Variants in COG6 observed in about 807,000 individuals in gnomAD.
COG6 encodes the protein component of oligomeric golgi complex 6.
COG6 carries 74 observed loss-of-function variants against 88.8 expected under a neutral mutation model. The observed-to-expected ratio is 0.83, with a 90% confidence interval of 0.69 to 1.01. The LOEUF is 1.01. Ranked by LOEUF, COG6 falls within the 50% of genes least tolerant of loss-of-function variation. The probability of loss-of-function intolerance (pLI) is 0.00; values close to 1 mark genes in which losing one functional copy is unlikely to be tolerated. For synonymous variants in COG6, 286 were observed against 278.7 expected, an observed-to-expected ratio of 1.03 and a Z score of -0.26; for missense variants, 800 against 797.9, an observed-to-expected ratio of 1.00 and a Z score of -0.03.
chr13:39,761,607 G>T (rs1239120438), intron 18 of COG6, among the ~76,000 whole-genome samples: 1 of 151,680 alleles, frequency 6.6e-6, no homozygotes, highest in African/African-American at 2.4e-5. Flanking sequence ...ACCTTCAGAA[G>T]ATATTTGCAA....
At chr13:39,672,212 TAC>T (rs1875689485) in intron 4 of COG6, among the ~76,000 whole-genome samples, 1 of 152,050 alleles carries the variant, frequency 6.6e-6, no homozygotes, top group South Asian at 2.1e-4. Context: ...CTGTATTTTG[TAC>T]AGTTATAATA....
chr13:39,744,295 G>A (rs1343090200), intron 18 of COG6, among the ~76,000 whole-genome samples: 1 of 152,134 alleles, frequency 6.6e-6, no homozygotes, highest in Non-Finnish European at 1.5e-5. Flanking sequence ...ATTTAATTAG[G>A]AAAAGAGGAA....
chr13:39,741,026 A>C (rs1265240358), intron 18 of COG6, among the ~76,000 whole-genome samples: 1 of 152,192 alleles, frequency 6.6e-6, no homozygotes, highest in African/African-American at 2.4e-5. Context: ...TGTTATGGCA[A>C]CCAAAATCCT....
intron 18 of COG6, among the ~76,000 whole-genome samples, chr13:39,761,316 A>G (rs1388176115): frequency 6.6e-6 from 1 of 152,002 alleles, no homozygotes; most frequent in Non-Finnish European, 1.5e-5. Context: ...TGTATATAGA[A>G]ATGGAATTGA....
At chr13:39,689,092 A>C (rs1163021171) in intron 10 of COG6, among the ~76,000 whole-genome samples, 1 of 152,210 alleles carries the variant, frequency 6.6e-6, no homozygotes, top group Non-Finnish European at 1.5e-5. Flanking sequence ...CTCCTTACCC[A>C]GTTTAAATAA....
In COG6 at chr13:39,723,422, G is replaced by A; in HGVS notation, c.1674G>A (p.Gln558=). The change falls in exon 16 of 19, where the codon CAG becomes CAA. Residue 558 remains glutamine, a synonymous_variant. Coordinates refer to ENST00000455146, the MANE Select transcript of COG6 (RefSeq NM_020751.3). ...TGAGTTACATCTATAACACTGTACA[G>A]CAACATAAACCTGAACAGGTAAGTG... ...VGLSYIYNTV[Q]QHKPEQGSLA... The A allele has an allele frequency of 1.3e-6, 2 of 1,598,530 alleles. No individual in the cohort carries two copies. Among genetic ancestry groups the A allele is most frequent in the Non-Finnish European group, 8.6e-7 (1 of 1,166,248 alleles).
intron 5 of COG6, chr13:39,679,218 T>G: frequency 3.1e-6 from 1 of 319,774 alleles, no homozygotes. Flanking sequence ...ATGTAGTAAT[T>G]TTTAGTTTTG....
At chr13:39,659,241 A>G (rs1874732808) in intron 1 of COG6, 123 bp from the exon 2 acceptor site, 6 of 876,168 alleles carry the variant, frequency 6.8e-6, no homozygotes, top group South Asian at 3.0e-5. Context: ...AGGTCATTCA[A>G]TATTTTTCGG....
At chr13:39,706,261 A>ATATATATATATATATATATATACTCCTT (rs1316496387) in intron 13 of COG6, among the ~76,000 whole-genome samples, 6,263 of 137,582 alleles carry the variant, frequency 0.046, 505 homozygotes, top group Non-Finnish European at 0.078. Context: ...TCCTTTATAT[A>ATATATATATATATATATATATACTCCTT]TATATATATA....
At chr13:39,694,162 A>G (rs1877128204) in intron 11 of COG6, among the ~76,000 whole-genome samples, 1 of 151,876 alleles carries the variant, frequency 6.6e-6, no homozygotes, top group Non-Finnish European at 1.5e-5. Context: ...TGCTAATTCA[A>G]GATTTGCCTA....
rs1354211886 is a variant in COG6, at chr13:39,724,570, A to G, written c.1746+9A>G. 6.3e-7 allele frequency: 1 copy of G among 1,577,422 alleles called. No individual in the cohort carries two copies. On this transcript the variant is annotated intron_variant, in intron 17 of 18. Transcript: ENST00000455146. ...CACTGAAGGCTGCAATGGTAAGTGT[A>G]TAATAAAACATTTTAATTTAGATTT... is the stretch of plus-strand genomic sequence containing the variant.
At chr13:39,657,094 C>T (rs1214947812) in intron 1 of COG6, among the ~76,000 whole-genome samples, 2 of 152,158 alleles carry the variant, frequency 1.3e-5, no homozygotes, top group Non-Finnish European at 2.9e-5. Flanking sequence ...GCAATGGGCG[C>T]AGTCTCGGCT....
rs368677211 is a variant in COG6, at chr13:39,660,894, G to A, written c.369+13G>A. The A allele has an allele frequency of 6.7e-5, 102 of 1,525,306 alleles. 1 individual carries two copies. The African/African-American group carries it at 1.3e-3, about 19-fold the overall frequency. The allele number at this position is 1,525,306 out of a possible 1,614,324, so 94.5% of individuals were successfully genotyped here. A position where few individuals can be genotyped will look rare whatever the true frequency, so the allele number is the denominator to read the frequency against. Reference sequence around the variant, plus strand: ...AAGTCGCCTACAGGTATTATATAATGGCTAGATTTTGGCATAGTTCCTGAT... The same window carrying A: ...AAGTCGCCTACAGGTATTATATAATAGCTAGATTTTGGCATAGTTCCTGAT... On this transcript the variant is annotated intron_variant, in intron 3 of 18. Coordinates refer to ENST00000455146, the MANE Select transcript of COG6 (RefSeq NM_020751.3).
At chr13:39,725,638 CATT>C (rs1879092730) in intron 17 of COG6, among the ~76,000 whole-genome samples, 2 of 151,676 alleles carry the variant, frequency 1.3e-5, no homozygotes, top group Admixed American at 1.3e-4. Flanking sequence ...AAATAAGAAA[CATT>C]ATGTCGTGAT....
chr13:39,724,674 G>A (rs1879039597), intron 17 of COG6, 113 bp downstream of exon 17: 3 of 794,950 alleles, frequency 3.8e-6, no homozygotes, highest in South Asian at 2.9e-5. Flanking sequence ...TTGACATGCT[G>A]TATTAACGTT....
At chr13:39,766,438 A>G (rs917234902) in intron 18 of COG6, among the ~76,000 whole-genome samples, 5 of 152,078 alleles carry the variant, frequency 3.3e-5, no homozygotes, top group African/African-American at 2.4e-5. Flanking sequence ...CCCATTCCCA[A>G]AAAAACCTGG....
At chr13:39,721,185 A>G (rs778409789) in intron 15 of COG6, among the ~76,000 whole-genome samples, 6 of 152,038 alleles carry the variant, frequency 3.9e-5, no homozygotes, top group Non-Finnish European at 8.8e-5. Context: ...GTGTTTATCA[A>G]TTTGCTTTAT....
intron 8 of COG6, among the ~76,000 whole-genome samples, chr13:39,684,243 A>ATTTTTTTTTTTTTTTTTTTTTTTTTTT (rs1203671335): frequency 3.0e-5 from 2 of 67,380 alleles, no homozygotes; most frequent in Non-Finnish European, 5.1e-5. Flanking sequence ...AATTTGGAAG[A>ATTTTTTTTTTTTTTTTTTTTTTTTTTT]TTTTTTTTTT....
chr13:39,730,243 T>C (rs1190782427), intron 18 of COG6, among the ~76,000 whole-genome samples: 1 of 152,148 alleles, frequency 6.6e-6, no homozygotes, highest in Non-Finnish European at 1.5e-5. Flanking sequence ...ATGCATATTA[T>C]TTATATAAGT....
Sources: allele counts gnomAD v4.1 joint callset (sites outside exome capture counted in the v4.1 genomes callset), GRCh38; gene constraint gnomAD v4.1.1; transcripts MANE v1.5; gene names NCBI Gene and HGNC (gene_info 2026-07-23, HGNC 2026-07-21).